Variants in TRIM49C observed in about 807,000 individuals in gnomAD.
TRIM49C encodes tripartite motif containing 49C, also known as tripartite motif-containing protein 49C.
TRIM49C carries 6 observed loss-of-function variants against 21.4 expected under a neutral mutation model. That is an observed-to-expected ratio of 0.28 (90% CI 0.15 to 0.55). The LOEUF is 0.55. Ranked by LOEUF, TRIM49C falls within the 20% of genes least tolerant of loss-of-function variation. TRIM49C has a pLI of 0.94. For synonymous variants in TRIM49C, 57 were observed against 148.1 expected (o/e 0.38, Z 4.47); for missense variants, 161 against 442.4 (o/e 0.36, Z 5.71).
In TRIM49C at chr11:90,041,154, C is replaced by G; in HGVS notation, c.963C>G (p.Phe321Leu). Reference sequence around the variant, plus strand: ...GTGACCATCAAGATGTACCCTATTTCACTGCAACACCTAGAAGTTTTCTTG... The same window carrying G: ...GTGACCATCAAGATGTACCCTATTTGACTGCAACACCTAGAAGTTTTCTTG... ...IGCDHQDVPYFTATPRSFLAW... is the reference protein window; with the variant it reads ...IGCDHQDVPYLTATPRSFLAW... The change falls in exon 8 of 8, where the codon TTC becomes TTG. Residue 321 changes from phenylalanine to leucine, a missense_variant. Phe to Leu is a conservative substitution (Grantham distance 22). Coordinates refer to ENST00000448984, the MANE Select transcript of TRIM49C (RefSeq NM_001195234.1). 1.3e-6 allele frequency: 2 copies of G among 1,597,536 alleles called. No homozygotes were observed. The highest frequency in any genetic ancestry group is 1.7e-6 in the Non-Finnish European group (2 of 1,172,270).
chr11:90,046,145 G>A (rs183564245), downstream of TRIM49C, among the ~76,000 whole-genome samples: 409 of 123,814 alleles, frequency 3.3e-3, 119 homozygotes, highest in African/African-American at 0.013. Context: ...TGCTCTTGGT[G>A]GATAAGCTTT....
the TRIM49C span, chr11:90,071,813 T>C: frequency 1.1e-6 from 1 of 931,326 alleles, no homozygotes; most frequent in African/African-American, 1.7e-5. Flanking sequence ...GCCCTCTTGG[T>C]GGGATCAACA....
At chr11:90,064,412 G>A in the TRIM49C span, among the ~76,000 whole-genome samples, 4 of 150,450 alleles carry the variant, frequency 2.7e-5, no homozygotes, top group African/African-American at 9.8e-5. Context: ...GTGAAGATAT[G>A]TATTAGGTTT....
At chr11:90,051,963 G>C in the TRIM49C span, 2 of 1,086,182 alleles carry the variant, frequency 1.8e-6, no homozygotes, top group East Asian at 6.6e-5. Context: ...GTATCTGCAG[G>C]TGGCCGCTGT....
the TRIM49C span, among the ~76,000 whole-genome samples, chr11:90,056,579 ATTAG>A: frequency 4.4e-5 from 4 of 90,664 alleles, no homozygotes; most frequent in African/African-American, 1.7e-4. Flanking sequence ...ATAGATATTC[ATTAG>A]TATGTTCTAT....
At chr11:90,055,345 AG>A in the TRIM49C span, among the ~76,000 whole-genome samples, 2 of 144,148 alleles carry the variant, frequency 1.4e-5, no homozygotes, top group Admixed American at 1.4e-4. Flanking sequence ...TCAGCTAGCC[AG>A]GCTCTAAAAA....
At chr11:90,071,745 C>A in the TRIM49C span, 22 of 1,259,464 alleles carry the variant, frequency 1.7e-5, no homozygotes, top group African/African-American at 1.0e-4. Context: ...TCCAGAGCTC[C>A]CTACAGGGCC....
In TRIM49C at chr11:90,041,536, T is replaced by C; in HGVS notation, c.1345T>C (p.Cys449Arg). The C allele has an allele frequency of 2.1e-6, 3 of 1,400,194 alleles. No homozygotes were observed. The highest frequency in any genetic ancestry group is 2.9e-6 in the Non-Finnish European group (3 of 1,045,394). The allele number at this position is 1,400,194 out of a possible 1,614,324, so 86.7% of individuals were successfully genotyped here. A position where few individuals can be genotyped will look rare whatever the true frequency, so the allele number is the denominator to read the frequency against. The change falls in exon 8 of 8, where the codon TGT becomes CGT. Residue 449 changes from cysteine (C) to arginine (R), a missense_variant. Physicochemically the swap from Cys to Arg is radical, Grantham distance 180. Transcript: ENST00000448984. ...ACCTCCTCTCAGGCCTATCTTTTGC[T>C]GTATTCACTTCTGACCAGAGACAAA... ...FSPPLRPIFCCIHF is the reference protein window; with the variant it reads ...FSPPLRPIFCRIHF
chr11:90,043,781 A>T (rs1565482045), downstream of TRIM49C, among the ~76,000 whole-genome samples: 1 of 114,470 alleles, frequency 8.7e-6, no homozygotes, highest in East Asian at 2.8e-4. Flanking sequence ...GGAAAGTTTG[A>T]TTTTTTTTTA....
chr11:90,054,040 T>C, the TRIM49C span, among the ~76,000 whole-genome samples: 1 of 138,092 alleles, frequency 7.2e-6, no homozygotes, highest in South Asian at 2.4e-4. Flanking sequence ...GTAATTTATA[T>C]CTTCAATTAT....
At chr11:90,052,148 G>A in the TRIM49C span, 1 of 402,982 alleles carries the variant, frequency 2.5e-6, no homozygotes, top group South Asian at 3.3e-5. Flanking sequence ...CAGGACCCCG[G>A]CAGCGGGGCA....
chr11:90,062,616 A>G, the TRIM49C span: 6 of 1,479,086 alleles, frequency 4.1e-6, 1 homozygote, highest in Non-Finnish European at 5.4e-6. Context: ...AGCCCATCCT[A>G]TTGGGCTGTG....
chr11:90,065,634 A>C, the TRIM49C span, among the ~76,000 whole-genome samples: 2 of 141,252 alleles, frequency 1.4e-5, 1 homozygote, highest in Non-Finnish European at 3.1e-5. Context: ...AGACGCAAGA[A>C]AGTTGACTTA....
chr11:90,038,942 C>G (rs1444795848), intron 6 of TRIM49C, among the ~76,000 whole-genome samples: 1 of 136,434 alleles, frequency 7.3e-6, no homozygotes, highest in Non-Finnish European at 1.6e-5. Context: ...TTTTTTGAGA[C>G]GCTGTCTGGC....
At chr11:90,033,029 T>C (rs1267364868) in intron 2 of TRIM49C, among the ~76,000 whole-genome samples, 10 of 126,686 alleles carry the variant, frequency 7.9e-5, no homozygotes, top group East Asian at 4.5e-4. Flanking sequence ...ACTAAAACAA[T>C]GAGAAAGCTC....
the TRIM49C span, chr11:90,051,749 G>T: frequency 3.6e-6 from 1 of 279,666 alleles, no homozygotes; most frequent in Non-Finnish European, 6.5e-6. Flanking sequence ...GGAAATACAC[G>T]CGGCCCGGTG....
At chr11:90,069,190 C>T in the TRIM49C span, among the ~76,000 whole-genome samples, 44 of 129,998 alleles carry the variant, frequency 3.4e-4, 8 homozygotes, top group Middle Eastern at 7.6e-3. Flanking sequence ...CTGCAAGCTC[C>T]GCCTCCCGGG....
At chr11:90,048,269 G>A in the TRIM49C span, among the ~76,000 whole-genome samples, 3 of 112,862 alleles carry the variant, frequency 2.7e-5, 1 homozygote, top group Admixed American at 2.1e-4. Context: ...TTCTTGAGGA[G>A]TATCTTTGTG....
At position 90,032,528 on chromosome 11, in the gene TRIM49C, T is replaced by C. The variant is rs1332218556; in HGVS notation, c.-59T>C. 2.9e-4 allele frequency: 38 copies of C among 129,082 alleles called. No homozygotes were observed. Among genetic ancestry groups the C allele is most frequent in the African/African-American group, 1.2e-3 (37 of 31,026 alleles). 8.0% of individuals were successfully genotyped at this position (129,082 alleles called of 1,614,324 possible). On this transcript the variant is annotated 5_prime_UTR_variant, in exon 2 of 8. Coordinates refer to ENST00000448984, the MANE Select transcript of TRIM49C (RefSeq NM_001195234.1). Reference sequence around the variant, plus strand: ...ATGAGCTTCTGACCTTGAGGTGAACTTAACAAAATTATTTTTGGAAAAATC... The same window carrying C: ...ATGAGCTTCTGACCTTGAGGTGAACCTAACAAAATTATTTTTGGAAAAATC...
Sources: allele counts gnomAD v4.1 joint callset (sites outside exome capture counted in the v4.1 genomes callset), GRCh38; gene constraint gnomAD v4.1.1; transcripts MANE v1.5; gene names NCBI Gene and HGNC (gene_info 2026-07-23, HGNC 2026-07-21).